The following PDE4D variants were observed in gnomAD, a reference collection of about 807,000 sequenced individuals.
The protein encoded by PDE4D is phosphodiesterase 4D.
A neutral mutation model predicts 87.4 loss-of-function variants in PDE4D; 24 were observed. The ratio of observed to expected loss-of-function variants is 0.27; its 90% CI spans 0.20 to 0.39. PDE4D has a LOEUF of 0.39. Ranked by LOEUF, PDE4D falls within the 10% of genes least tolerant of loss-of-function variation. The probability of loss-of-function intolerance (pLI) is 1.00; values close to 1 mark genes in which losing one functional copy is unlikely to be tolerated. For synonymous variants in PDE4D, 384 were observed against 383.2 expected (o/e 1.00, Z -0.02); for missense variants, 714 against 1,041.0 (o/e 0.69, Z 4.32).
intron 1 of PDE4D, among the ~76,000 whole-genome samples, chr5:60,288,746 A>G (rs1169778029): frequency 6.6e-6 from 1 of 152,202 alleles, no homozygotes; most frequent in Non-Finnish European, 1.5e-5. Flanking sequence ...TATTTTCTCT[A>G]AAAGACATAA....
intron 1 of PDE4D, among the ~76,000 whole-genome samples, chr5:60,370,365 T>C (rs752297079): frequency 6.6e-6 from 1 of 152,180 alleles, no homozygotes; most frequent in Non-Finnish European, 1.5e-5. Flanking sequence ...TCATTAGAGG[T>C]GTTGTAACAA....
intron 1 of PDE4D, among the ~76,000 whole-genome samples, chr5:59,432,772 G>C (rs1260093563): frequency 6.6e-6 from 1 of 152,092 alleles, no homozygotes; most frequent in African/African-American, 2.4e-5. Flanking sequence ...GCTTAGAAAG[G>C]CTTTGCACAG....
chr5:59,340,698 A>T (rs1181947684), intron 1 of PDE4D, among the ~76,000 whole-genome samples: 1 of 152,096 alleles, frequency 6.6e-6, no homozygotes, highest in Non-Finnish European at 1.5e-5. Flanking sequence ...TACCCTTCCT[A>T]GGTTCTGATA....
At chr5:59,130,493 T>C (rs779104975) in intron 5 of PDE4D, among the ~76,000 whole-genome samples, 2 of 152,238 alleles carry the variant, frequency 1.3e-5, no homozygotes, top group Non-Finnish European at 2.9e-5. Context: ...AAATGCTTTC[T>C]CCTTTGCAGG....
intron 1 of PDE4D, among the ~76,000 whole-genome samples, chr5:59,688,637 C>T (rs1430578201): frequency 2.0e-5 from 3 of 152,138 alleles, no homozygotes; most frequent in Non-Finnish European, 4.4e-5. Context: ...AAAATTGACA[C>T]CCTAACAGCA....
At chr5:59,698,306 C>A (rs1327887906) in intron 1 of PDE4D, among the ~76,000 whole-genome samples, 1 of 151,974 alleles carries the variant, frequency 6.6e-6, no homozygotes, top group Non-Finnish European at 1.5e-5. Flanking sequence ...GTGTTGAAGG[C>A]GAGGGAAATG....
At chr5:59,271,862 G>A (rs961943015) in intron 1 of PDE4D, among the ~76,000 whole-genome samples, 16 of 151,056 alleles carry the variant, frequency 1.1e-4, no homozygotes, top group Non-Finnish European at 1.8e-4. Flanking sequence ...CATACAATAT[G>A]CAAATACAGT....
At chr5:60,112,035 TA>T (rs1023913921) in intron 2 of PDE4D, among the ~76,000 whole-genome samples, 1 of 151,836 alleles carries the variant, frequency 6.6e-6, no homozygotes, top group Non-Finnish European at 1.5e-5. Flanking sequence ...ATATGGCTTT[TA>T]AAAAAAACCT....
chr5:60,408,756 A>T (rs766895079), intron 1 of PDE4D, among the ~76,000 whole-genome samples: 37 of 152,198 alleles, frequency 2.4e-4, no homozygotes, highest in Admixed American at 7.2e-4. Context: ...CTCTACCACC[A>T]CCATCACTAT....
intron 1 of PDE4D, among the ~76,000 whole-genome samples, chr5:59,645,612 C>T (rs1742313417): frequency 6.6e-6 from 1 of 152,122 alleles, no homozygotes; most frequent in Admixed American, 6.5e-5. Flanking sequence ...CACCTGATTA[C>T]CATGGTGCTG....
chr5:59,210,492 G>A (rs1749835795), intron 2 of PDE4D, among the ~76,000 whole-genome samples: 1 of 152,212 alleles, frequency 6.6e-6, no homozygotes, highest in Non-Finnish European at 1.5e-5. Context: ...GTTTGACATG[G>A]GAGGTAGGGA....
intron 3 of PDE4D, among the ~76,000 whole-genome samples, chr5:59,921,205 T>A (rs1754635411): frequency 6.6e-6 from 1 of 152,164 alleles, no homozygotes; most frequent in South Asian, 2.1e-4. Context: ...TAATTAAAAA[T>A]TATTATTATT....
At chr5:59,044,656 C>T (rs1760315983) in intron 5 of PDE4D, among the ~76,000 whole-genome samples, 1 of 152,124 alleles carries the variant, frequency 6.6e-6, no homozygotes, top group South Asian at 2.1e-4. Context: ...TCAATGTGTA[C>T]ATGTAATAGG....
intron 2 of PDE4D, among the ~76,000 whole-genome samples, chr5:60,081,136 A>G (rs1773887241): frequency 6.6e-6 from 1 of 151,614 alleles, no homozygotes; most frequent in South Asian, 2.1e-4. Context: ...GAGTTTATCC[A>G]TTTCTTCTAG....
chr5:59,972,005 C>A (rs1760824012), intron 3 of PDE4D, among the ~76,000 whole-genome samples: 1 of 152,144 alleles, frequency 6.6e-6, no homozygotes, highest in Admixed American at 6.5e-5. Flanking sequence ...TGCCTGGGAC[C>A]CTATTCCTCA....
At chr5:59,165,411 T>A (rs542404417) in intron 5 of PDE4D, among the ~76,000 whole-genome samples, 16 of 152,290 alleles carry the variant, frequency 1.1e-4, no homozygotes, top group African/African-American at 3.6e-4. Flanking sequence ...GGAGCTGGGA[T>A]TACAGGTGTG....
chr5:59,381,214 G>A (rs776400824), intron 1 of PDE4D, among the ~76,000 whole-genome samples: 1 of 152,114 alleles, frequency 6.6e-6, no homozygotes, highest in Non-Finnish European at 1.5e-5. Context: ...TGCAGTTTTA[G>A]TGAAACCATT....
intron 1 of PDE4D, among the ~76,000 whole-genome samples, chr5:59,422,506 T>G (rs1794630841): frequency 6.6e-6 from 1 of 152,202 alleles, no homozygotes; most frequent in Non-Finnish European, 1.5e-5. Context: ...TATCATAGTT[T>G]ACAAAGTACG....
At chr5:60,369,389 C>T (rs1342676300) in intron 1 of PDE4D, among the ~76,000 whole-genome samples, 1 of 152,116 alleles carries the variant, frequency 6.6e-6, no homozygotes, top group Non-Finnish European at 1.5e-5. Context: ...CTGACTTCCA[C>T]GTCTTTATTT....
Sources: gnomAD v4.1 joint callset for allele counts (sites outside exome capture counted in the v4.1 genomes callset) on GRCh38, gnomAD v4.1.1 for gene constraint, MANE v1.5 for transcripts, NCBI Gene and HGNC (gene_info 2026-07-23, HGNC 2026-07-21) for gene names.